The following CRB1 variants were observed in gnomAD, a reference collection of about 807,000 sequenced individuals.
CRB1 encodes crumbs cell polarity complex component 1.
A neutral mutation model predicts 120.0 loss-of-function variants in CRB1; 83 were observed. That is an observed-to-expected ratio of 0.69 (90% CI 0.58 to 0.83). The LOEUF is 0.83. CRB1 is among the 40% of genes least tolerant of loss of function. The pLI is 0.00. For missense variants in CRB1, 1,699 were observed against 1,687.6 expected, an observed-to-expected ratio of 1.01 and a Z score of -0.12; for synonymous variants, 625 against 612.5, an observed-to-expected ratio of 1.02 and a Z score of -0.30.
intron 1 of CRB1, among the ~76,000 whole-genome samples, chr1:197,278,640 CA>C (rs1206141212): frequency 1.3e-5 from 2 of 151,870 alleles, no homozygotes; most frequent in Non-Finnish European, 2.9e-5. Context: ...AGCTTGACAT[CA>C]ATGGACTAAA....
rs745937475 is a variant in CRB1 at position 197,344,365 on chromosome 1, A to G, written c.737A>G (p.Tyr246Cys). The G allele has an allele frequency of 6.2e-7, 1 of 1,614,124 alleles. No homozygotes were observed. Among genetic ancestry groups the G allele is most frequent in the Non-Finnish European group, 8.5e-7 (1 of 1,180,000 alleles). ...ACTTGTCAGGATGCTCTGGGGGCCT[A>G]TTTCTGCGACTGTGCCCCTGGATTC... ...GATCQDALGAYFCDCAPGFLG... is the reference protein window; with the variant it reads ...GATCQDALGACFCDCAPGFLG... The change falls in exon 3 of 12, where the codon TAT (tyrosine) becomes TGT (cysteine). Residue 246 changes from tyrosine to cysteine, a missense_variant. Coordinates refer to ENST00000367400, the MANE Select transcript of CRB1 (RefSeq NM_201253.3).
intron 1 of CRB1, among the ~76,000 whole-genome samples, chr1:197,300,617 G>A (rs1033588139): frequency 1.2e-4 from 18 of 152,208 alleles, no homozygotes; most frequent in Non-Finnish European, 2.9e-5. Context: ...AGTGCAAGGT[G>A]AAGTAGCAGG....
chr1:197,452,704 G>A (rs1350664962), intron 11 of CRB1, among the ~76,000 whole-genome samples: 1 of 152,068 alleles, frequency 6.6e-6, no homozygotes, highest in Non-Finnish European at 1.5e-5. Flanking sequence ...CCAAGCCACA[G>A]GTCTTCCTAG....
At chr1:197,353,347 T>C (rs1467854340) in intron 4 of CRB1, among the ~76,000 whole-genome samples, 1 of 152,252 alleles carries the variant, frequency 6.6e-6, no homozygotes, top group Non-Finnish European at 1.5e-5. Flanking sequence ...GTTGAATTCC[T>C]TTCTATGTGA....
chr1:197,273,866 A>G (rs1655042756), intron 1 of CRB1, among the ~76,000 whole-genome samples: 1 of 151,866 alleles, frequency 6.6e-6, no homozygotes, highest in African/African-American at 2.4e-5. Flanking sequence ...ATAAATCACC[A>G]TTTCTCCAAG....
chr1:197,384,040 A>C (rs1158867753), intron 5 of CRB1, among the ~76,000 whole-genome samples: 1 of 152,230 alleles, frequency 6.6e-6, no homozygotes, highest in Non-Finnish European at 1.5e-5. Context: ...TTTATTCAGC[A>C]GATGTAATAA....
At chr1:197,382,953 A>AGACC (rs1662030708) in intron 5 of CRB1, among the ~76,000 whole-genome samples, 1 of 152,172 alleles carries the variant, frequency 6.6e-6, no homozygotes, top group Non-Finnish European at 1.5e-5. Context: ...CAAATCATCC[A>AGACC]TTCTGCAGGA....
In CRB1 at chr1:197,435,564, A is replaced by G; in HGVS notation, c.3701A>G (p.Asn1234Ser). ...GGAGCCACCTGCATTAGTCATACTA[A>G]TGGCTATTCTTGCCTCTGTTTTGGA... ...ANGATCISHTNGYSCLCFGNF... is the reference protein window; with the variant it reads ...ANGATCISHTSGYSCLCFGNF... The change falls in exon 9 of 12, where the codon AAT (asparagine) becomes AGT (serine). Residue 1234 changes from asparagine (N) to serine (S), a missense_variant. Transcript: ENST00000367400. 6.2e-7 allele frequency: 1 copy of G among 1,613,526 alleles called. No individual in the cohort carries two copies. The highest frequency in any genetic ancestry group is 8.5e-7 in the Non-Finnish European group (1 of 1,179,708).
chr1:197,421,985 G>T, intron 6 of CRB1, 29 bp downstream of exon 6: 1 of 1,602,884 alleles, frequency 6.2e-7, no homozygotes, highest in Non-Finnish European at 8.5e-7. Flanking sequence ...CTATGGCTAG[G>T]AGTGCCATGC....
At chr1:197,334,385 A>G (rs560767852) in intron 2 of CRB1, among the ~76,000 whole-genome samples, 2 of 152,322 alleles carry the variant, frequency 1.3e-5, no homozygotes, top group East Asian at 3.9e-4. Flanking sequence ...TGGAGACATA[A>G]TCACCAATGC....
chr1:197,311,816 C>A (rs981030261), intron 1 of CRB1, among the ~76,000 whole-genome samples: 2 of 150,762 alleles, frequency 1.3e-5, no homozygotes, highest in Non-Finnish European at 3.0e-5. Flanking sequence ...TTATTTATAT[C>A]TTTTAATGGG....
chr1:197,334,335 G>T (rs904768106), intron 2 of CRB1, among the ~76,000 whole-genome samples: 3 of 152,226 alleles, frequency 2.0e-5, no homozygotes, highest in African/African-American at 7.2e-5. Flanking sequence ...GGTACTTGAT[G>T]ATATGATTTG....
At chr1:197,329,227 C>G (rs956719103) in intron 2 of CRB1, among the ~76,000 whole-genome samples, 2 of 152,150 alleles carry the variant, frequency 1.3e-5, no homozygotes, top group Non-Finnish European at 2.9e-5. Flanking sequence ...AAATGGAGCT[C>G]TACATGATTT....
At position 197,432,319 on chromosome 1, in the gene CRB1, CT is replaced by C. The variant is rs1664907634; in HGVS notation, c.2843-2380del. 2.0e-5 allele frequency among the ~76,000 whole-genome samples: 3 copies of C among 150,710 alleles called. No individual in the cohort carries two copies. In the South Asian group the frequency reaches 6.3e-4, roughly 32 times the overall value. On this transcript the variant is annotated intron_variant, in intron 8 of 11. Coordinates refer to ENST00000367400, the MANE Select transcript of CRB1 (RefSeq NM_201253.3). Reference sequence around the variant, plus strand: ...AACATGTAATGAAACACTTGTTGCTCTTTTTTTCCCTAAATTCCCAACTCCA... The same window carrying C: ...AACATGTAATGAAACACTTGTTGCTCTTTTTTCCCTAAATTCCCAACTCCA...
Position 197,421,129 on chromosome 1 carries a change from G to C in CRB1, c.1301G>C (p.Gly434Ala). Residue 434 changes from glycine to alanine, a missense_variant, in exon 6 of 12, where the codon GGA (glycine) becomes GCA (alanine). Transcript: ENST00000367400. ...PFDNLSRTFY[G>A]GRDCSDILLG... ...GATAACCTTTCTAGAACTTTTTATG[G>C]AGGAAGGGACTGTTCTGATATTCTC... 1 of 1,614,122 alleles carries C rather than the reference G, an allele frequency of 6.2e-7. No homozygotes were observed.
chr1:197,400,738 T>C (rs1348312986), intron 5 of CRB1, among the ~76,000 whole-genome samples: 1 of 152,184 alleles, frequency 6.6e-6, no homozygotes, highest in Non-Finnish European at 1.5e-5. Flanking sequence ...CCAGCCCTGA[T>C]TTAAGTTTCC....
At chr1:197,355,529 G>A (rs115010195) in intron 4 of CRB1, among the ~76,000 whole-genome samples, 2,481 of 152,286 alleles carry the variant, frequency 0.016, 76 homozygotes, top group African/African-American at 0.057. Context: ...TGCAGGTTCC[G>A]AGCCCTGTCC....
chr1:197,397,548 C>T (rs1028841213), intron 5 of CRB1, among the ~76,000 whole-genome samples: 2 of 152,206 alleles, frequency 1.3e-5, no homozygotes, highest in South Asian at 4.1e-4. Context: ...ATTTCGAAAA[C>T]CTGATAAGAA....
chr1:197,293,496 T>C (rs1455445428), intron 1 of CRB1, among the ~76,000 whole-genome samples: 1 of 152,108 alleles, frequency 6.6e-6, no homozygotes, highest in African/African-American at 2.4e-5. Context: ...CCTAAGGTAA[T>C]TTATAGATTC....
Sources: allele counts gnomAD v4.1 joint callset (sites outside exome capture counted in the v4.1 genomes callset), GRCh38; gene constraint gnomAD v4.1.1; transcripts MANE v1.5; gene names NCBI Gene and HGNC (gene_info 2026-07-23, HGNC 2026-07-21).